CRK: variants seen among roughly 807,000 people sequenced by gnomAD.
The protein encoded by CRK is CRK proto-oncogene, adaptor protein, also known as adapter molecule crk.
In CRK, 4 loss-of-function variants were observed where a neutral mutation model predicts 29.8. The observed-to-expected ratio is 0.13, with a 90% CI of 0.07 to 0.31. The LOEUF is 0.31. CRK is among the 10% of genes least tolerant of loss of function. The pLI, the probability that CRK is intolerant of heterozygous loss-of-function variation, is 1.00. For missense variants in CRK, 274 were observed against 396.5 expected (o/e 0.69, Z 2.62); for synonymous variants, 153 against 164.9 (o/e 0.93, Z 0.55).
intron 1 of CRK, among the ~76,000 whole-genome samples, chr17:1,443,507 T>C (rs1056686864): frequency 1.7e-4 from 26 of 152,088 alleles, no homozygotes; most frequent in Non-Finnish European, 3.5e-4. Context: ...GCCATTCTCC[T>C]GCCTCAGCCT....
At chr17:1,451,192 CAAAAAAAAA>C (rs10691537) in intron 1 of CRK, among the ~76,000 whole-genome samples, 1 of 66,962 alleles carries the variant, frequency 1.5e-5, no homozygotes, top group Admixed American at 2.1e-4. Context: ...GAAACTGTCT[CAAAAAAAAA>C]AAAAAAAAAA....
chr17:1,424,843 G>C (rs1192925983), intron 2 of CRK: 1 of 151,806 alleles, frequency 6.6e-6, no homozygotes, highest in Non-Finnish European at 1.5e-5. Flanking sequence ...TGGTGAAACC[G>C]TCTCTACAAA....
chr17:1,449,331 C>T (rs1191719484), intron 1 of CRK, among the ~76,000 whole-genome samples: 1 of 152,150 alleles, frequency 6.6e-6, no homozygotes, highest in East Asian at 1.9e-4. Flanking sequence ...AGCATGAATT[C>T]CACAGCCTCT....
intron 1 of CRK, among the ~76,000 whole-genome samples, chr17:1,447,216 A>T (rs1281946919): frequency 6.6e-6 from 1 of 152,154 alleles, no homozygotes; most frequent in Non-Finnish European, 1.5e-5. Flanking sequence ...AGGGCGGGAA[A>T]GGAAGGAGGC....
Position 1,455,868 on chromosome 17 carries a change from G to C in CRK, c.241+9C>G, listed in dbSNP as rs1598308612. ...CCGCCCAGGGCCCGCCGTCCCGTCAGTCCCTCACCGGGCGGAGGCTGGGCG... is the reference window on the plus strand; with the variant it reads ...CCGCCCAGGGCCCGCCGTCCCGTCACTCCCTCACCGGGCGGAGGCTGGGCG... On this transcript the variant is annotated intron_variant, in intron 1 of 2. Coordinates refer to ENST00000300574, the MANE Select transcript of CRK (RefSeq NM_016823.4). The C allele has an allele frequency of 1.3e-6, 2 of 1,571,000 alleles. No homozygotes were observed. Among genetic ancestry groups the C allele is most frequent in the African/African-American group, 1.4e-5 (1 of 71,422 alleles).
At chr17:1,435,466 GGA>G (rs889645043) in intron 2 of CRK, among the ~76,000 whole-genome samples, 20 of 60,358 alleles carry the variant, frequency 3.3e-4, no homozygotes, top group African/African-American at 1.7e-3. Context: ...AAAGCAGAGA[GGA>G]AAAAAAAAAA....
chr17:1,456,227 C>G lies in CRK; in HGVS notation c.-110G>C. The G allele has an allele frequency of 3.1e-6, 4 of 1,281,912 alleles. No homozygotes were observed. The highest frequency in any genetic ancestry group is 9.9e-7 in the Non-Finnish European group (1 of 1,012,108). 79.4% of individuals were successfully genotyped at this position (1,281,912 alleles called of 1,614,324 possible). ...CCGGTTTCAGCTTCACAGCAGCGCCCGAAATGGCGGCGGCAGCCGCGGGCC... is the reference window on the plus strand; with the variant it reads ...CCGGTTTCAGCTTCACAGCAGCGCCGGAAATGGCGGCGGCAGCCGCGGGCC... On this transcript the variant is annotated 5_prime_UTR_variant, in exon 1 of 3. Coordinates refer to ENST00000300574, the MANE Select transcript of CRK (RefSeq NM_016823.4).
chr17:1,434,627 A>G lies in CRK; in HGVS notation c.777+1993T>C, dbSNP rs185573282. 2.9e-4 allele frequency among the ~76,000 whole-genome samples: 44 copies of G among 152,220 alleles called. No individual in the cohort carries two copies. In the East Asian group the frequency reaches 7.9e-3, roughly 27 times the overall value. On this transcript the variant is annotated intron_variant, in intron 2 of 2. Coordinates refer to ENST00000300574, the MANE Select transcript of CRK (RefSeq NM_016823.4). ...GTGAAACCCTGTCTCTACTAAAAATACAAAAATTAGCCAGGCACAATGGGG... is the reference window on the plus strand; with the variant it reads ...GTGAAACCCTGTCTCTACTAAAAATGCAAAAATTAGCCAGGCACAATGGGG...
chr17:1,427,072 A>AAAAAAAAAAAAAAAAAAAAAAAG (rs778793991), intron 2 of CRK, among the ~76,000 whole-genome samples: 3 of 92,072 alleles, frequency 3.3e-5, no homozygotes, highest in East Asian at 3.4e-4. Flanking sequence ...AAAAAAAAAA[A>AAAAAAAAAAAAAAAAAAAAAAAG]GATTCTGACA....
At chr17:1,426,819 G>A (rs1319945855) in intron 2 of CRK, among the ~76,000 whole-genome samples, 1 of 151,210 alleles carries the variant, frequency 6.6e-6, no homozygotes, top group Admixed American at 6.7e-5. Context: ...CCGAGACTGT[G>A]CCACTGCACT....
chr17:1,425,295 T>G (rs2073767945), intron 2 of CRK, among the ~76,000 whole-genome samples: 1 of 151,770 alleles, frequency 6.6e-6, no homozygotes, highest in African/African-American at 2.4e-5. Context: ...GGTTTCACCA[T>G]GTTAGCCAAG....
In CRK at chr17:1,421,609, G is replaced by A. The variant is rs774004148; in HGVS notation, c.*1904C>T. 10 of 152,118 alleles carry A rather than the reference G, an allele frequency of 6.6e-5. No homozygotes were observed. Among genetic ancestry groups the A allele is most frequent in the Non-Finnish European group, 1.0e-4 (7 of 68,038 alleles). 9.4% of individuals were successfully genotyped at this position (152,118 alleles called of 1,614,324 possible). On this transcript the variant is annotated 3_prime_UTR_variant, in exon 3 of 3. Coordinates refer to ENST00000300574, the MANE Select transcript of CRK (RefSeq NM_016823.4). Reference sequence around the variant, plus strand: ...AGCGTCAACGCGTTAGTCTGCTTGCGGCCATGTACGGAATCCTGGGCCAGC... The same window carrying A: ...AGCGTCAACGCGTTAGTCTGCTTGCAGCCATGTACGGAATCCTGGGCCAGC...
intron 2 of CRK, among the ~76,000 whole-genome samples, chr17:1,434,463 A>C (rs967811726): frequency 6.6e-6 from 1 of 152,132 alleles, no homozygotes; most frequent in Admixed American, 6.6e-5. Flanking sequence ...CACATAGTAC[A>C]TATGTTTTAG....
intron 2 of CRK, among the ~76,000 whole-genome samples, chr17:1,429,422 C>T (rs531757948): frequency 1.1e-4 from 16 of 152,100 alleles, no homozygotes; most frequent in African/African-American, 2.7e-4. Flanking sequence ...TATAGGCGCC[C>T]GCCACCATGC....
intron 1 of CRK, among the ~76,000 whole-genome samples, chr17:1,447,607 CTTTTTT>C (rs34998406): frequency 1.0e-4 from 12 of 117,820 alleles, no homozygotes; most frequent in Middle Eastern, 4.5e-3. Context: ...TTCTCTTTTC[CTTTTTT>C]TTTTTTTTTT....
At chr17:1,446,570 G>T (rs569098603) in intron 1 of CRK, among the ~76,000 whole-genome samples, 1 of 150,354 alleles carries the variant, frequency 6.7e-6, no homozygotes, top group Non-Finnish European at 1.5e-5. Context: ...CCACAATAGC[G>T]TGAACTGGGC....
At chr17:1,447,672 G>A (rs1357650414) in intron 1 of CRK, among the ~76,000 whole-genome samples, 2 of 146,136 alleles carry the variant, frequency 1.4e-5, no homozygotes, top group Non-Finnish European at 3.0e-5. Flanking sequence ...ACAGTGGTGC[G>A]ATCTCAGCTC....
At chr17:1,432,669 TG>T (rs1251474843) in intron 2 of CRK, among the ~76,000 whole-genome samples, 2 of 146,438 alleles carry the variant, frequency 1.4e-5, no homozygotes, top group African/African-American at 5.1e-5. Context: ...CCCAGCTACT[TG>T]GGGGGCTGAG....
intron 2 of CRK, among the ~76,000 whole-genome samples, chr17:1,433,933 C>G (rs974694376): frequency 8.6e-5 from 13 of 150,900 alleles, no homozygotes; most frequent in African/African-American, 3.2e-4. Flanking sequence ...CACCTGGACT[C>G]AAGCGATCCT....
Sources: allele counts gnomAD v4.1 joint callset (sites outside exome capture counted in the v4.1 genomes callset), GRCh38; gene constraint gnomAD v4.1.1; transcripts MANE v1.5; gene names NCBI Gene and HGNC (gene_info 2026-07-23, HGNC 2026-07-21).